Variants in BAZ2B observed in about 807,000 individuals in gnomAD.
BAZ2B encodes bromodomain adjacent to zinc finger domain 2B.
Under a neutral mutation model 246.0 loss-of-function variants are expected in BAZ2B, and 91 were observed. The observed-to-expected ratio is 0.37, with a 90% CI of 0.31 to 0.44. The LOEUF is 0.44. Ranked by LOEUF, BAZ2B falls within the 20% of genes least tolerant of loss-of-function variation. The pLI is 1.00. For missense variants in BAZ2B, 2,332 were observed against 2,533.7 expected, an observed-to-expected ratio of 0.92 and a Z score of 1.71; for synonymous variants, 855 against 860.0, an observed-to-expected ratio of 0.99 and a Z score of 0.10.
intron 27 of BAZ2B, among the ~76,000 whole-genome samples, chr2:159,365,239 C>T (rs2060099542): frequency 1.3e-5 from 2 of 152,070 alleles, no homozygotes; most frequent in South Asian, 2.1e-4. Context: ...TTCTTAACCA[C>T]GGGCAGTATA....
rs1163847117 is a variant in BAZ2B, at chr2:159,350,453, A to G, written c.4214-96T>C. On this transcript the variant is annotated intron_variant, in intron 27 of 36. Transcript: ENST00000392783. Reference sequence around the variant, plus strand: ...ACTCTTTATCAAATTATATGCATAAATACTTAAACTTTTCTGTATTACCTA... The same window carrying G: ...ACTCTTTATCAAATTATATGCATAAGTACTTAAACTTTTCTGTATTACCTA... The G allele has an allele frequency of 2.5e-6, 3 of 1,210,258 alleles. No homozygotes were observed. The African/African-American group carries it at 4.6e-5, about 19-fold the overall frequency. 75.0% of individuals were successfully genotyped at this position (1,210,258 alleles called of 1,614,324 possible).
chr2:159,507,368 T>A (rs2082440081), intron 2 of BAZ2B, among the ~76,000 whole-genome samples: 1 of 149,974 alleles, frequency 6.7e-6, no homozygotes, highest in African/African-American at 2.4e-5. Context: ...GTGAGGAGGT[T>A]AAAAAAAAAA....
the BAZ2B span, among the ~76,000 whole-genome samples, chr2:159,659,848 T>A: frequency 6.6e-6 from 1 of 152,232 alleles, no homozygotes; most frequent in African/African-American, 2.4e-5. Context: ...TTATACTTAT[T>A]TTTTTGTGAA....
upstream of BAZ2B, among the ~76,000 whole-genome samples, chr2:159,620,492 T>C (rs974498381): frequency 6.6e-6 from 1 of 152,082 alleles, no homozygotes; most frequent in Admixed American, 6.6e-5. Flanking sequence ...ATACAAATAA[T>C]AAAGTTTTGT....
intron 4 of BAZ2B, among the ~76,000 whole-genome samples, 200 bp from the exon 5 acceptor site, chr2:159,448,609 C>T (rs927944052): frequency 1.3e-5 from 2 of 152,274 alleles, no homozygotes; most frequent in Admixed American, 6.5e-5. Context: ...AGGTCAGTAT[C>T]TAAGGATCTT....
chr2:159,492,735 A>G (rs531272234), intron 2 of BAZ2B, among the ~76,000 whole-genome samples: 1 of 152,246 alleles, frequency 6.6e-6, no homozygotes, highest in Non-Finnish European at 1.5e-5. Flanking sequence ...AGTCTGTTTC[A>G]AAATTATCAC....
chr2:159,578,112 A>T (rs925403916), intron 1 of BAZ2B, among the ~76,000 whole-genome samples: 2 of 152,200 alleles, frequency 1.3e-5, no homozygotes, highest in Non-Finnish European at 2.9e-5. Flanking sequence ...TCTAGTGCTT[A>T]GCTTTCTTAT....
At chr2:159,410,961 T>C (rs2066743137) in intron 14 of BAZ2B, among the ~76,000 whole-genome samples, 1 of 152,232 alleles carries the variant, frequency 6.6e-6, no homozygotes, top group Non-Finnish European at 1.5e-5. Flanking sequence ...GTTGCATGTG[T>C]GTGTATGTGT....
intron 2 of BAZ2B, among the ~76,000 whole-genome samples, chr2:159,500,995 C>G (rs1479701864): frequency 6.9e-6 from 1 of 145,154 alleles, no homozygotes; most frequent in Non-Finnish European, 1.5e-5. Context: ...AACGGCTGGG[C>G]ACGATAGCTA....
chr2:159,563,511 A>C (rs1248843764), intron 1 of BAZ2B, among the ~76,000 whole-genome samples: 1 of 152,200 alleles, frequency 6.6e-6, no homozygotes, highest in Non-Finnish European at 1.5e-5. Flanking sequence ...AAAATATTTA[A>C]CAGCAACAAC....
chr2:159,423,938 G>T (rs1405322944), intron 13 of BAZ2B, among the ~76,000 whole-genome samples: 1 of 152,138 alleles, frequency 6.6e-6, no homozygotes, highest in Non-Finnish European at 1.5e-5. Flanking sequence ...AGGATCATTT[G>T]CACACTGAAC....
the BAZ2B span, among the ~76,000 whole-genome samples, chr2:159,624,081 G>C: frequency 2.0e-5 from 3 of 152,184 alleles, no homozygotes; most frequent in African/African-American, 7.2e-5. Flanking sequence ...GCTGCTGGGA[G>C]GTTCGAACCG....
At chr2:159,486,699 T>C (rs1318076914) in intron 2 of BAZ2B, among the ~76,000 whole-genome samples, 1 of 151,608 alleles carries the variant, frequency 6.6e-6, no homozygotes, top group Non-Finnish European at 1.5e-5. Flanking sequence ...ATCCTAGAAA[T>C]ATACTCAAAC....
At chr2:159,455,990 T>C (rs999516375) in intron 3 of BAZ2B, among the ~76,000 whole-genome samples, 1 of 151,932 alleles carries the variant, frequency 6.6e-6, no homozygotes, top group Non-Finnish European at 1.5e-5. Context: ...ATTTGTGTGG[T>C]AAGCAAGTTG....
chr2:159,375,368 A>T (rs2061315845), intron 25 of BAZ2B, among the ~76,000 whole-genome samples: 1 of 152,224 alleles, frequency 6.6e-6, no homozygotes. Context: ...TGAAGAAGTC[A>T]TGTTTTAATT....
chr2:159,342,842 C>T (rs867709019), intron 31 of BAZ2B, among the ~76,000 whole-genome samples: 1 of 152,066 alleles, frequency 6.6e-6, no homozygotes, highest in Non-Finnish European at 1.5e-5. Context: ...GATAATACTA[C>T]CCAATGCGAT....
Position 159,389,401 on chromosome 2 carries a change from C to T in BAZ2B, c.3160G>A (p.Glu1054Lys). 1 of 1,612,390 alleles carries T rather than the reference C, an allele frequency of 6.2e-7. No homozygotes were observed. Among genetic ancestry groups the T allele is most frequent in the Non-Finnish European group, 8.5e-7 (1 of 1,179,020 alleles). ...GGCTTCTTTAGTTCCTTTGCCATTTCTAATTCTAATCTTCGCTGCTCTAGT... is the reference window on the plus strand; with the variant it reads ...GGCTTCTTTAGTTCCTTTGCCATTTTTAATTCTAATCTTCGCTGCTCTAGT... Reference protein sequence around the residue: ...RKLEQRRLELEMAKELKKPNE... With the variant: ...RKLEQRRLELKMAKELKKPNE... Residue 1054 changes from glutamate to lysine, a missense_variant, in exon 21 of 37, where the codon GAA becomes AAA. Physicochemically the swap from Glu to Lys is moderately conservative, Grantham distance 56. Transcript: ENST00000392783.
At position 159,350,312 on chromosome 2, in the gene BAZ2B, T is replaced by C. The variant is rs778159639; in HGVS notation, c.4259A>G (p.Glu1420Gly). 1 of 1,576,540 alleles carries C rather than the reference T, an allele frequency of 6.3e-7. No homozygotes were observed. The highest frequency in any genetic ancestry group is 8.6e-7 in the Non-Finnish European group (1 of 1,165,844). ...AKEREKLKKA[E>G]SVQIKEEMFE... ...CATTTCTTCTTTGATCTGGACACTTTCTGCCTTTTTCAGTTTTTCTCTTTC... is the reference window on the plus strand; with the variant it reads ...CATTTCTTCTTTGATCTGGACACTTCCTGCCTTTTTCAGTTTTTCTCTTTC... The change falls in exon 28 of 37, where the codon GAA becomes GGA. Residue 1420 changes from glutamate to glycine, a missense_variant. This residue lies in a region of BAZ2B where 676 missense variants were observed against 668.6 expected (regional missense o/e 1.01). Coordinates refer to ENST00000392783, the MANE Select transcript of BAZ2B (RefSeq NM_013450.4).
chr2:159,519,228 T>TA (rs1354341902), intron 2 of BAZ2B, among the ~76,000 whole-genome samples: 2 of 51,262 alleles, frequency 3.9e-5, no homozygotes, highest in Non-Finnish European at 9.8e-5. Flanking sequence ...TTTTTTTTTT[T>TA]TTTTTTTTTT....
Sources: gnomAD v4.1 joint callset for allele counts (sites outside exome capture counted in the v4.1 genomes callset) on GRCh38, gnomAD v4.1.1 for gene constraint, gnomAD v4.1.1 regional missense constraint, MANE v1.5 for transcripts, NCBI Gene and HGNC (gene_info 2026-07-23, HGNC 2026-07-21) for gene names.